The following TAB1 variants were observed in gnomAD, a reference collection of about 807,000 sequenced individuals.
TAB1 encodes TGF-beta-activated kinase 1 and MAP3K7-binding protein 1.
TAB1 carries 30 observed loss-of-function variants against 54.5 expected under a neutral mutation model. That is an observed-to-expected ratio of 0.55 (90% CI 0.41 to 0.75). The LOEUF (loss-of-function observed/expected upper bound fraction) is 0.75. Ranked by LOEUF, TAB1 falls within the 30% of genes least tolerant of loss-of-function variation. The probability of loss-of-function intolerance (pLI) is 0.00; values close to 1 mark genes in which losing one functional copy is unlikely to be tolerated. For missense variants in TAB1, 609 were observed against 683.2 expected, an observed-to-expected ratio of 0.89 and a Z score of 1.21; for synonymous variants, 289 against 286.9, an observed-to-expected ratio of 1.01 and a Z score of -0.07.
chr22:39,431,981 G>C (rs1927602837), downstream of TAB1: 6 of 660,946 alleles, frequency 9.1e-6, no homozygotes, highest in Non-Finnish European at 1.1e-5. Flanking sequence ...CGGCTCGCCA[G>C]GCTGCTAAGT....
chr22:39,431,319 G>C lies in TAB1; in HGVS notation c.*1097G>C. The C allele has an allele frequency of 4.1e-6, 4 of 985,630 alleles. No individual in the cohort carries two copies. The highest frequency in any genetic ancestry group is 4.8e-6 in the Non-Finnish European group (4 of 830,090). 61.1% of individuals were successfully genotyped at this position (985,630 alleles called of 1,614,324 possible). On this transcript the variant is annotated 3_prime_UTR_variant, in exon 11 of 11. Transcript: ENST00000216160. ...GGGTGCCACCAGGGCTGTCGGCCAG[G>C]ATTGCCACTCCTGTTTCAGAGGAAG...
intron 1 of TAB1, among the ~76,000 whole-genome samples, chr22:39,403,372 G>A (rs965030783): frequency 6.6e-6 from 1 of 152,222 alleles, no homozygotes; most frequent in African/African-American, 2.4e-5. Flanking sequence ...GATGAAAACG[G>A]GGAAATGGGG....
Position 39,415,585 on chromosome 22 carries a change from G to A in TAB1, c.256G>A (p.Ala86Thr). The A allele has an allele frequency of 2.5e-6, 4 of 1,614,034 alleles. No individual in the cohort carries two copies. Among genetic ancestry groups the A allele is most frequent in the Non-Finnish European group, 3.4e-6 (4 of 1,179,986 alleles). Residue 86 changes from alanine to threonine, a missense_variant, in exon 3 of 11, where the codon GCA becomes ACA. Physicochemically the swap from Ala to Thr is moderately conservative, Grantham distance 58 (BLOSUM62 0). Transcript: ENST00000216160. The surrounding 1 kb of genome is among the most constrained non-coding windows in gnomAD (Gnocchi z 4.9). ...CAACTTCGTGGCCCAGCGGCTGTCC[G>A]CAGAGCTCCTGCTGGGCCAGCTGAA... ...VTNFVAQRLS[A>T]ELLLGQLNAE...
At position 39,416,838 on chromosome 22, in the gene TAB1, C is replaced by T. The variant is rs548863608; in HGVS notation, c.372C>T (p.Ala124=). 6.2e-7 allele frequency: 1 copy of T among 1,614,232 alleles called. No individual in the cohort carries two copies. Among genetic ancestry groups the T allele is most frequent in the East Asian group, 2.2e-5 (1 of 44,888 alleles). Residue 124 remains alanine, a synonymous_variant, in exon 4 of 11, where the codon GCC becomes GCT. Transcript: ENST00000216160. ...ERSFLESIDD[A]LAEKASLQSQ... is the part of the protein sequence containing the mutation. ...GCTTCCTGGAGTCCATTGACGACGC[C>T]TTGGCTGAGAAGGCAAGCCTCCAGT...
chr22:39,400,265 C>T (rs34590456), intron 1 of TAB1, among the ~76,000 whole-genome samples: 6,081 of 152,320 alleles, frequency 0.04, 428 homozygotes, highest in African/African-American at 0.14. Flanking sequence ...TTCGTAGCAG[C>T]CCCCTGAGAT....
chr22:39,429,872 T>G (rs1373217397), intron 10 of TAB1, 143 bp from the exon 11 acceptor site: 47 of 1,487,348 alleles, frequency 3.2e-5, no homozygotes, highest in Non-Finnish European at 4.1e-5. Context: ...ATCATCTGGC[T>G]GGGCCAGCTC....
chr22:39,417,645 A>C, intron 4 of TAB1, 66 bp from the exon 5 acceptor site: 4 of 1,382,610 alleles, frequency 2.9e-6, no homozygotes, highest in Non-Finnish European at 2.9e-6. Context: ...GAGTAAAGGG[A>C]GTGGAGAGGG....
chr22:39,434,053 A>G (rs1000162606), downstream of TAB1, among the ~76,000 whole-genome samples: 14 of 152,150 alleles, frequency 9.2e-5, no homozygotes, highest in African/African-American at 3.4e-4. Context: ...TGAGTCAGGG[A>G]GGAAGGGACA....
At chr22:39,419,849 G>T (rs1262084624) in intron 7 of TAB1, among the ~76,000 whole-genome samples, 1 of 152,108 alleles carries the variant, frequency 6.6e-6, no homozygotes, top group Admixed American at 6.5e-5. Flanking sequence ...AGTGACACAT[G>T]TGCAGTCAAA....
At position 39,415,728 on chromosome 22, in the gene TAB1, G is replaced by A. The variant is rs1295285356; in HGVS notation, c.324+75G>A. On this transcript the variant is annotated intron_variant, in intron 3 of 10. Transcript: ENST00000216160. The surrounding 1 kb of genome is among the most constrained non-coding windows in gnomAD (Gnocchi z 4.9). Reference sequence around the variant, plus strand: ...CCAAGGCTTGGGCCCTGCACCTCTAGCATGTTGCCAGGGTTGGTGTGAAGA... The same window carrying A: ...CCAAGGCTTGGGCCCTGCACCTCTAACATGTTGCCAGGGTTGGTGTGAAGA... 6.5e-7 allele frequency: 1 copy of A among 1,536,230 alleles called. No homozygotes were observed. Among genetic ancestry groups the A allele is most frequent in the Admixed American group, 1.8e-5 (1 of 54,262 alleles).
At position 39,415,714 on chromosome 22, in the gene TAB1, G is replaced by C. The variant is rs1926803743; in HGVS notation, c.324+61G>C. ...TCATGTCCCCCACCCCAAGGCTTGGGCCCTGCACCTCTAGCATGTTGCCAG... is the reference window on the plus strand; with the variant it reads ...TCATGTCCCCCACCCCAAGGCTTGGCCCCTGCACCTCTAGCATGTTGCCAG... On this transcript the variant is annotated intron_variant, in intron 3 of 10. Transcript: ENST00000216160. The surrounding 1 kb of genome is among the most constrained non-coding windows in gnomAD (Gnocchi z 4.9). 6.4e-7 allele frequency: 1 copy of C among 1,566,006 alleles called. No individual in the cohort carries two copies. Among genetic ancestry groups the C allele is most frequent in the South Asian group, 1.1e-5 (1 of 87,724 alleles).
chr22:39,423,344 C>T (rs1927175823), intron 8 of TAB1, among the ~76,000 whole-genome samples: 1 of 152,168 alleles, frequency 6.6e-6, no homozygotes, highest in Non-Finnish European at 1.5e-5. Context: ...GTGGCTCATG[C>T]TTGTAATCCC....
At chr22:39,406,513 A>T (rs1437485195) in intron 1 of TAB1, among the ~76,000 whole-genome samples, 1 of 152,142 alleles carries the variant, frequency 6.6e-6, no homozygotes, top group African/African-American at 2.4e-5. Context: ...GGATTTGAGC[A>T]GTGCCTTTAG....
intron 6 of TAB1, 45 bp from the exon 7 acceptor site, chr22:39,419,474 C>G (rs1018040807): frequency 3.4e-6 from 5 of 1,485,098 alleles, no homozygotes; most frequent in Non-Finnish European, 4.6e-6. Context: ...TTTTGTTCCT[C>G]TTTGTGAACA....
chr22:39,419,673 A>G, intron 7 of TAB1, 43 bp downstream of exon 7: 1 of 1,456,200 alleles, frequency 6.9e-7, no homozygotes, highest in Non-Finnish European at 9.5e-7. Context: ...AAAGAACAGA[A>G]GGTCCTAGGG....
At position 39,430,956 on chromosome 22, in the gene TAB1, TGAGGCAGGGG is replaced by T. The variant is rs1328437631; in HGVS notation, c.*735_*744del. The T allele has an allele frequency of 2.0e-6, 2 of 985,942 alleles. No individual in the cohort carries two copies. The highest frequency in any genetic ancestry group is 3.5e-5 in the African/African-American group (2 of 57,248). The allele number at this position is 985,942 out of a possible 1,614,324, so 61.1% of individuals were successfully genotyped here. A position where few individuals can be genotyped will look rare whatever the true frequency, so the allele number is the denominator to read the frequency against. On this transcript the variant is annotated 3_prime_UTR_variant, in exon 11 of 11. Transcript: ENST00000216160. ...GAGGTGAGGACTGGCCCCGGTGGGC[TGAGGCAGGGG>T]CCGCTGTCGTCAGGCCTGAGCCAGG...
In TAB1 at chr22:39,399,785, C is replaced by T. The variant is rs1489351966; in HGVS notation, c.-18C>T. On this transcript the variant is annotated 5_prime_UTR_variant, in exon 1 of 11. Transcript: ENST00000216160. Reference sequence around the variant, plus strand: ...TGCTCTGCGGGGAGGCGGGCGCTCCCGCAGGGGTTCCTCCAAGATGGCGGC... The same window carrying T: ...TGCTCTGCGGGGAGGCGGGCGCTCCTGCAGGGGTTCCTCCAAGATGGCGGC... The T allele has an allele frequency of 2.5e-6, 4 of 1,583,728 alleles. No homozygotes were observed. Among genetic ancestry groups the T allele is most frequent in the African/African-American group, 1.3e-5 (1 of 74,406 alleles).
intron 1 of TAB1, among the ~76,000 whole-genome samples, chr22:39,411,614 G>A (rs762392859): frequency 6.6e-6 from 1 of 152,118 alleles, no homozygotes; most frequent in East Asian, 1.9e-4. Context: ...TGGAGCAGCC[G>A]GAACTCAACA....
Position 39,415,521 on chromosome 22 carries a change from G to C in TAB1, c.192G>C (p.Leu64=), listed in dbSNP as rs758565838. 15 of 1,614,092 alleles carry C rather than the reference G, an allele frequency of 9.3e-6. No individual in the cohort carries two copies. The East Asian group carries it at 1.1e-4, about 12-fold the overall frequency. The part of the protein sequence containing the change: ...LKFRSENNCF[L]YGVFNGYDGN... ...CCAGGAGTGAGAACAACTGCTTCCTGTATGGGGTCTTCAACGGCTATGATG... is the reference window on the plus strand; with the variant it reads ...CCAGGAGTGAGAACAACTGCTTCCTCTATGGGGTCTTCAACGGCTATGATG... The change falls in exon 3 of 11, where the codon CTG becomes CTC. Residue 64 remains leucine, a synonymous_variant. Transcript: ENST00000216160. This position sits in a 1 kb window ranked among gnomAD's most constrained non-coding sequence, Gnocchi z 4.9.
Sources: allele counts gnomAD v4.1 joint callset (sites outside exome capture counted in the v4.1 genomes callset), GRCh38; gene constraint gnomAD v4.1.1; non-coding constraint Gnocchi (gnomAD v3.1); transcripts MANE v1.5; gene names NCBI Gene and HGNC (gene_info 2026-07-23, HGNC 2026-07-21).